The following MACROD2 variants were observed in gnomAD, a reference collection of about 807,000 sequenced individuals.
MACROD2 encodes mono-ADP ribosylhydrolase 2.
MACROD2 carries 36 observed loss-of-function variants against 70.4 expected under a neutral mutation model. The observed-to-expected ratio is 0.51, with a 90% CI of 0.39 to 0.68. MACROD2 has a LOEUF of 0.68. Among genes scored for constraint, MACROD2 ranks in the 30% least tolerant of loss-of-function variants. The pLI, the probability that MACROD2 is intolerant of heterozygous loss-of-function variation, is 0.00. For missense variants in MACROD2, 496 were observed against 538.4 expected, an observed-to-expected ratio of 0.92 and a Z score of 0.78; for synonymous variants, 172 against 178.8, an observed-to-expected ratio of 0.96 and a Z score of 0.30.
In MACROD2 at chr20:14,326,300, T is replaced by C; in HGVS notation, c.272-167179T>C. ...ATTGTTTTTCTTGAGGGACTCCCTG[T>C]GGTTTGGTGATCCTTAGTGAGCTTG... On this transcript the variant is annotated intron_variant, in intron 3 of 17. Transcript: ENST00000684519. The surrounding 1 kb of genome is among the most constrained non-coding windows in gnomAD (Gnocchi z 5.5). 6.2e-7 allele frequency: 1 copy of C among 1,613,926 alleles called. No individual in the cohort carries two copies. The highest frequency in any genetic ancestry group is 2.2e-5 in the East Asian group (1 of 44,866).
intron 3 of MACROD2, among the ~76,000 whole-genome samples, chr20:14,416,200 G>A (rs1404472163): frequency 6.6e-6 from 1 of 151,960 alleles, no homozygotes; most frequent in African/African-American, 2.4e-5. Context: ...CTTGTGATCT[G>A]CCCTCCTTGG....
chr20:15,442,647 T>A (rs1216161675), intron 7 of MACROD2, among the ~76,000 whole-genome samples: 2 of 152,108 alleles, frequency 1.3e-5, no homozygotes, highest in East Asian at 3.9e-4. Flanking sequence ...GAAAATTTAG[T>A]CTAGCTTGGG....
At chr20:15,799,954 C>T (rs1434258333) in intron 8 of MACROD2, among the ~76,000 whole-genome samples, 4 of 150,824 alleles carry the variant, frequency 2.7e-5, no homozygotes, top group Admixed American at 6.6e-5. Context: ...TTCTTTTTTT[C>T]GTCTGTTCAT....
intron 5 of MACROD2, among the ~76,000 whole-genome samples, chr20:14,691,867 A>G (rs756364125): frequency 4.6e-5 from 7 of 152,192 alleles, no homozygotes; most frequent in Non-Finnish European, 8.8e-5. Context: ...TCATAAAATC[A>G]TCTTCCTTTC....
intron 5 of MACROD2, among the ~76,000 whole-genome samples, chr20:15,093,985 G>T (rs542178192): frequency 2.0e-5 from 3 of 152,276 alleles, no homozygotes; most frequent in African/African-American, 7.2e-5. Flanking sequence ...GGCTTCTTTA[G>T]GATTGTCCAT....
At chr20:14,641,450 T>C (rs1985085517) in intron 4 of MACROD2, among the ~76,000 whole-genome samples, 1 of 152,226 alleles carries the variant, frequency 6.6e-6, no homozygotes, top group Admixed American at 6.5e-5. Context: ...ATATTTAGAA[T>C]GGTAAATCCT....
chr20:15,719,006 T>C (rs1308507334), intron 8 of MACROD2, among the ~76,000 whole-genome samples: 1 of 152,212 alleles, frequency 6.6e-6, no homozygotes, highest in African/African-American at 2.4e-5. Context: ...TTAAACAGTT[T>C]TCTAATCCTA....
At chr20:14,374,080 GTATAT>G (rs528641639) in intron 3 of MACROD2, among the ~76,000 whole-genome samples, 93 of 152,078 alleles carry the variant, frequency 6.1e-4, no homozygotes, top group African/African-American at 2.1e-3. Flanking sequence ...TGAAAATAGT[GTATAT>G]TATATCTATA....
intron 3 of MACROD2, among the ~76,000 whole-genome samples, chr20:14,280,563 G>C (rs1358781716): frequency 1.3e-5 from 2 of 152,132 alleles, no homozygotes; most frequent in Admixed American, 6.5e-5. Context: ...CAAGTATAAA[G>C]GGGCCAAGAA....
intron 5 of MACROD2, among the ~76,000 whole-genome samples, chr20:15,176,298 G>A (rs1172976190): frequency 2.0e-5 from 3 of 152,190 alleles, no homozygotes; most frequent in Non-Finnish European, 4.4e-5. Flanking sequence ...ACAAAAAGGG[G>A]CAGGTCCCTG....
chr20:15,666,899 A>C (rs1187784949), intron 8 of MACROD2, among the ~76,000 whole-genome samples: 1 of 152,222 alleles, frequency 6.6e-6, no homozygotes, highest in Non-Finnish European at 1.5e-5. Context: ...TATTATAAAA[A>C]ATTTCAAACA....
At chr20:15,700,947 T>TCAC (rs2146896248) in intron 8 of MACROD2, among the ~76,000 whole-genome samples, 1 of 152,318 alleles carries the variant, frequency 6.6e-6, no homozygotes, top group African/African-American at 2.4e-5. Flanking sequence ...AAACCAGCAT[T>TCAC]CACCACCTGG....
At chr20:15,047,879 A>C (rs1308767138) in intron 5 of MACROD2, among the ~76,000 whole-genome samples, 3 of 152,186 alleles carry the variant, frequency 2.0e-5, no homozygotes, top group Non-Finnish European at 4.4e-5. Flanking sequence ...CACAGTGGCT[A>C]TTCTGTCAGC....
chr20:14,042,541 C>T (rs572896691), intron 2 of MACROD2, among the ~76,000 whole-genome samples: 59 of 152,284 alleles, frequency 3.9e-4, no homozygotes, highest in Middle Eastern at 3.4e-3. Context: ...CGCTGTCGCC[C>T]GGGCTAGAGT....
intron 5 of MACROD2, among the ~76,000 whole-genome samples, chr20:14,925,186 T>G (rs370264108): frequency 5.3e-5 from 8 of 152,142 alleles, no homozygotes; most frequent in African/African-American, 1.9e-4. Context: ...ATCTCAAAGA[T>G]AAATGGGAGT....
chr20:14,541,448 T>C (rs2423811), intron 4 of MACROD2, among the ~76,000 whole-genome samples: 61,964 of 151,920 alleles, frequency 0.41, 13,206 homozygotes, highest in East Asian at 0.64. Context: ...ATGCTTTACT[T>C]TTCTCCTATT....
At chr20:15,020,948 T>C (rs2075162593) in intron 5 of MACROD2, among the ~76,000 whole-genome samples, 1 of 150,286 alleles carries the variant, frequency 6.7e-6, no homozygotes, top group Non-Finnish European at 1.5e-5. Context: ...TACATATGTA[T>C]ACATATATAT....
intron 5 of MACROD2, among the ~76,000 whole-genome samples, chr20:14,877,551 C>T (rs967168548): frequency 1.3e-5 from 2 of 152,050 alleles, no homozygotes; most frequent in African/African-American, 4.8e-5. Context: ...GGAATGCTTC[C>T]AGCTTTTGCC....
intron 6 of MACROD2, among the ~76,000 whole-genome samples, chr20:15,357,753 C>T (rs949342211): frequency 2.7e-5 from 4 of 149,946 alleles, no homozygotes; most frequent in Non-Finnish European, 4.4e-5. Context: ...ATAAGTTGAT[C>T]TATCAAGGTA....
Sources: allele counts gnomAD v4.1 joint callset (sites outside exome capture counted in the v4.1 genomes callset), GRCh38; gene constraint gnomAD v4.1.1; non-coding constraint Gnocchi (gnomAD v3.1); transcripts MANE v1.5; gene names NCBI Gene and HGNC (gene_info 2026-07-23, HGNC 2026-07-21).